Variants in PPARG observed in about 807,000 individuals in gnomAD.
PPARG encodes peroxisome proliferator activated receptor gamma.
Under a neutral mutation model 39.2 loss-of-function variants are expected in PPARG, and 17 were observed. The observed-to-expected ratio is 0.43, with a 90% CI of 0.30 to 0.65. The LOEUF is 0.65. Ranked by LOEUF, PPARG falls within the 30% of genes least tolerant of loss-of-function variation. The probability of loss-of-function intolerance (pLI) is 0.13; values close to 1 mark genes in which losing one functional copy is unlikely to be tolerated. For missense variants in PPARG, 406 were observed against 585.9 expected, an observed-to-expected ratio of 0.69 and a Z score of 3.17; for synonymous variants, 223 against 215.7, an observed-to-expected ratio of 1.03 and a Z score of -0.30.
At chr3:12,410,469 G>T (rs998249200) in intron 6 of PPARG, among the ~76,000 whole-genome samples, 2 of 152,176 alleles carry the variant, frequency 1.3e-5, no homozygotes, top group African/African-American at 4.8e-5. Flanking sequence ...ATAGAAAAGC[G>T]CTTGATGTAC....
intron 2 of PPARG, among the ~76,000 whole-genome samples, chr3:12,324,714 G>A (rs936542397): frequency 2.0e-5 from 3 of 152,162 alleles, no homozygotes; most frequent in Non-Finnish European, 4.4e-5. Context: ...CGAACATGTT[G>A]AGATAACTAA....
intron 4 of PPARG, among the ~76,000 whole-genome samples, chr3:12,389,774 A>G (rs1160204326): frequency 2.6e-5 from 4 of 152,066 alleles, no homozygotes; most frequent in Non-Finnish European, 2.9e-5. Flanking sequence ...GTGCATGCCT[A>G]TAATCCCAGC....
intron 2 of PPARG, among the ~76,000 whole-genome samples, chr3:12,335,243 G>A (rs1334631457): frequency 6.6e-6 from 1 of 152,130 alleles, no homozygotes; most frequent in African/African-American, 2.4e-5. Context: ...GTCAGAGTTG[G>A]TAGTAATTCC....
chr3:12,353,216 A>G (rs2048543477), intron 2 of PPARG, among the ~76,000 whole-genome samples: 1 of 152,192 alleles, frequency 6.6e-6, no homozygotes, highest in Non-Finnish European at 1.5e-5. Flanking sequence ...CCTAATTAAC[A>G]TAGTGCAGAA....
At chr3:12,352,806 G>A (rs2048529825) in intron 2 of PPARG, among the ~76,000 whole-genome samples, 1 of 152,148 alleles carries the variant, frequency 6.6e-6, no homozygotes, top group Admixed American at 6.5e-5. Flanking sequence ...GATTCAACAT[G>A]TATTTCTATC....
intron 2 of PPARG, among the ~76,000 whole-genome samples, chr3:12,352,739 T>A (rs1298761640): frequency 6.6e-6 from 1 of 152,226 alleles, no homozygotes; most frequent in Non-Finnish European, 1.5e-5. Flanking sequence ...TAAAGCTTTT[T>A]AAAAATGAGT....
chr3:12,391,243 A>G (rs1459275977), intron 4 of PPARG, among the ~76,000 whole-genome samples: 3 of 152,182 alleles, frequency 2.0e-5, no homozygotes, highest in Non-Finnish European at 4.4e-5. Context: ...TTAATTGAGC[A>G]GTGAGGGAGG....
Position 12,320,149 on chromosome 3 carries a change from C to T in PPARG, c.-9+7696C>T, listed in dbSNP as rs202192660. Among the ~76,000 whole-genome samples, 5 of 152,258 alleles carry T rather than the reference C, an allele frequency of 3.3e-5. No individual in the cohort carries two copies. In the East Asian group the frequency reaches 9.6e-4, roughly 29 times the overall value. ...GCAGTAAGGATTGATTGTTTCCTAG[C>T]ACGTAGTAACTAACCTGTTTTGAGG... On this transcript the variant is annotated intron_variant, in intron 2 of 7. Transcript: ENST00000651735.
intron 7 of PPARG, among the ~76,000 whole-genome samples, chr3:12,426,625 A>G (rs2125308477): frequency 6.6e-6 from 1 of 152,314 alleles, no homozygotes. Flanking sequence ...AAATGTAGAA[A>G]GGACCCAAGA....
rs975982768 is a variant in PPARG at position 12,340,110 on chromosome 3, A to G, written c.-9+27657A>G. 2.6e-5 allele frequency among the ~76,000 whole-genome samples: 4 copies of G among 152,298 alleles called. No individual in the cohort carries two copies. The South Asian group carries it at 6.2e-4, about 24-fold the overall frequency. On this transcript the variant is annotated intron_variant, in intron 2 of 7. Transcript: ENST00000651735. ...CTTCAGGCAGTACATGGAAGAAACAATGGGCTATACAATGGAACCATCCTA... is the reference window on the plus strand; with the variant it reads ...CTTCAGGCAGTACATGGAAGAAACAGTGGGCTATACAATGGAACCATCCTA...
chr3:12,433,350 C>T (rs4135297), intron 7 of PPARG, among the ~76,000 whole-genome samples: 1 of 152,018 alleles, frequency 6.6e-6, no homozygotes, highest in Non-Finnish European at 1.5e-5. Context: ...CAAGCCTGGC[C>T]AACATGGTGA....
Position 12,434,224 on chromosome 3 carries a change from T to G in PPARG, c.*79T>G. On this transcript the variant is annotated 3_prime_UTR_variant, in exon 8 of 8. Coordinates refer to ENST00000651735, the MANE Select transcript of PPARG (RefSeq NM_138711.6). The surrounding 1 kb of genome is among the most constrained non-coding windows in gnomAD (Gnocchi z 4.2). ...GAGGGAAAATCTGACACCTAAGAAA[T>G]TTACTGTGAAAAAGCATTTTAAAAA... 6.4e-7 allele frequency: 1 copy of G among 1,573,262 alleles called. No homozygotes were observed. The highest frequency in any genetic ancestry group is 1.4e-5 in the African/African-American group (1 of 74,028).
At chr3:12,396,555 G>A (rs370646369) in intron 5 of PPARG, among the ~76,000 whole-genome samples, 56 of 152,138 alleles carry the variant, frequency 3.7e-4, no homozygotes, top group African/African-American at 1.2e-3. Flanking sequence ...TGAGGAGTTC[G>A]AGACCAGCCT....
At chr3:12,292,717 G>A (rs756313264) in intron 1 of PPARG, among the ~76,000 whole-genome samples, 15 of 152,218 alleles carry the variant, frequency 9.9e-5, no homozygotes, top group Non-Finnish European at 7.3e-5. Context: ...GACTGAATAT[G>A]CCAAAGAGGA....
At chr3:12,328,986 C>A (rs1330393470) in intron 2 of PPARG, among the ~76,000 whole-genome samples, 7 of 152,144 alleles carry the variant, frequency 4.6e-5, no homozygotes, top group Non-Finnish European at 1.0e-4. Flanking sequence ...ACGCCGTAAT[C>A]CTGAGGCCTC....
At chr3:12,323,147 T>TA (rs2047593918) in intron 2 of PPARG, among the ~76,000 whole-genome samples, 1 of 151,546 alleles carries the variant, frequency 6.6e-6, no homozygotes, top group Non-Finnish European at 1.5e-5. Flanking sequence ...GATGACTGAA[T>TA]AAAAAATAAA....
At chr3:12,433,537 C>CAAAAAA (rs11451254) in intron 7 of PPARG, among the ~76,000 whole-genome samples, 1 of 98,794 alleles carries the variant, frequency 1.0e-5, no homozygotes, top group African/African-American at 3.4e-5. Flanking sequence ...GACTCCATCT[C>CAAAAAA]AAAAAAAAAA....
chr3:12,324,164 C>A (rs1172091404), intron 2 of PPARG, among the ~76,000 whole-genome samples: 4 of 151,834 alleles, frequency 2.6e-5, no homozygotes, highest in Non-Finnish European at 4.4e-5. Flanking sequence ...CTGTAATCCC[C>A]GTTACTTGGG....
At chr3:12,311,091 G>A (rs963288517) in intron 1 of PPARG, among the ~76,000 whole-genome samples, 1 of 152,064 alleles carries the variant, frequency 6.6e-6, no homozygotes, top group African/African-American at 2.4e-5. Context: ...TTTTGATATT[G>A]AGTCTGTATT....
Sources: gnomAD v4.1 joint callset for allele counts (sites outside exome capture counted in the v4.1 genomes callset) on GRCh38, gnomAD v4.1.1 for gene constraint, Gnocchi (gnomAD v3.1) non-coding constraint, MANE v1.5 for transcripts, NCBI Gene and HGNC (gene_info 2026-07-23, HGNC 2026-07-21) for gene names.